The following NFIB variants were observed in gnomAD, a reference collection of about 807,000 sequenced individuals.
The protein encoded by NFIB is nuclear factor I B.
NFIB carries 11 observed loss-of-function variants against 61.5 expected under a neutral mutation model. That is an observed-to-expected ratio of 0.18 (90% CI 0.11 to 0.30). The LOEUF (loss-of-function observed/expected upper bound fraction) is 0.30. Ranked by LOEUF, NFIB falls within the 10% of genes least tolerant of loss-of-function variation. NFIB has a pLI of 1.00. For missense variants in NFIB, 471 were observed against 608.9 expected, an observed-to-expected ratio of 0.77 and a Z score of 2.38; for synonymous variants, 260 against 216.5, an observed-to-expected ratio of 1.20 and a Z score of -1.76.
intron 8 of NFIB, among the ~76,000 whole-genome samples, chr9:14,119,286 T>A (rs1323722131): frequency 6.6e-6 from 1 of 152,196 alleles, no homozygotes; most frequent in Non-Finnish European, 1.5e-5. Flanking sequence ...TGAAAAGTGC[T>A]ACAACATTTT....
intron 1 of NFIB, among the ~76,000 whole-genome samples, chr9:14,380,492 T>C (rs187722124): frequency 2.6e-5 from 4 of 152,334 alleles, no homozygotes; most frequent in African/African-American, 9.6e-5. Context: ...ATTCCGAATT[T>C]ATCCATATAG....
At chr9:14,436,868 T>C in the NFIB span, among the ~76,000 whole-genome samples, 1 of 152,216 alleles carries the variant, frequency 6.6e-6, no homozygotes, top group African/African-American at 2.4e-5. Flanking sequence ...TTTCACACAA[T>C]TTATAGTCTA....
the NFIB span, among the ~76,000 whole-genome samples, chr9:14,429,080 A>G: frequency 6.6e-6 from 1 of 152,182 alleles, no homozygotes; most frequent in Non-Finnish European, 1.5e-5. Context: ...ATGACCTGCA[A>G]TCAAATGACA....
chr9:14,118,601 C>T (rs999901567), intron 8 of NFIB, among the ~76,000 whole-genome samples: 2 of 152,010 alleles, frequency 1.3e-5, no homozygotes, highest in African/African-American at 4.8e-5. Context: ...CTAAAAATTT[C>T]TATCTTTTAA....
At chr9:14,273,805 C>T (rs190289032) in intron 2 of NFIB, among the ~76,000 whole-genome samples, 1 of 152,234 alleles carries the variant, frequency 6.6e-6, no homozygotes, top group Non-Finnish European at 1.5e-5. Context: ...CTTGAAAACA[C>T]AAATGTTCAC....
rs79905809 is a variant in NFIB at position 14,395,368 on chromosome 9, T to G, written c.108+3156A>C. On this transcript the variant is annotated intron_variant, in intron 1 of 8. Coordinates refer to the NFIB transcript ENST00000380934. ...GATGCAACATCTTAAGGAAGAAAGT[T>G]TGGATCCTGTTTGAAAAAAATAGTA... Among the ~76,000 whole-genome samples, 9 of 151,264 alleles carry G rather than the reference T, an allele frequency of 5.9e-5. No individual in the cohort carries two copies. In the East Asian group the frequency reaches 1.7e-3, roughly 29 times the overall value.
chr9:14,423,364 T>A, the NFIB span, among the ~76,000 whole-genome samples: 2 of 152,240 alleles, frequency 1.3e-5, no homozygotes, highest in Non-Finnish European at 2.9e-5. Flanking sequence ...AAGCTATACA[T>A]GTAAATCAAG....
intron 4 of NFIB, among the ~76,000 whole-genome samples, chr9:14,155,065 C>T (rs1032205004): frequency 1.3e-5 from 2 of 151,938 alleles, no homozygotes; most frequent in Non-Finnish European, 2.9e-5. Context: ...GAAAATATAC[C>T]CTTCAAAGTT....
chr9:14,175,149 T>C (rs981554450), intron 3 of NFIB, among the ~76,000 whole-genome samples: 4 of 150,148 alleles, frequency 2.7e-5, no homozygotes, highest in African/African-American at 9.8e-5. Flanking sequence ...CTCAAAATTT[T>C]TATGACTTAA....
chr9:14,098,219 T>G (rs2035179563), intron 10 of NFIB, among the ~76,000 whole-genome samples: 1 of 152,194 alleles, frequency 6.6e-6, no homozygotes, highest in African/African-American at 2.4e-5. Flanking sequence ...AAACATATCC[T>G]TTGGTAACAC....
intron 2 of NFIB, among the ~76,000 whole-genome samples, chr9:14,235,325 T>G (rs1353109244): frequency 6.6e-6 from 1 of 152,188 alleles, no homozygotes; most frequent in Non-Finnish European, 1.5e-5. Flanking sequence ...GAACTCCCAG[T>G]ATTGCCAGCC....
At chr9:14,206,507 T>C (rs2049738909) in intron 2 of NFIB, among the ~76,000 whole-genome samples, 1 of 151,894 alleles carries the variant, frequency 6.6e-6, no homozygotes, top group African/African-American at 2.4e-5. Context: ...TTTCTTTCCT[T>C]TCATGAGATT....
chr9:14,454,141 T>C, the NFIB span, among the ~76,000 whole-genome samples: 2 of 152,332 alleles, frequency 1.3e-5, no homozygotes, highest in South Asian at 4.1e-4. Flanking sequence ...GACTCACATG[T>C]TGCCATTTGT....
At chr9:14,110,127 T>C (rs897417200) in intron 10 of NFIB, among the ~76,000 whole-genome samples, 5 of 152,116 alleles carry the variant, frequency 3.3e-5, no homozygotes, top group African/African-American at 4.8e-5. Context: ...AGTAAGCTTA[T>C]GTATTAGAAA....
chr9:14,277,052 C>G (rs1004100427), intron 2 of NFIB, among the ~76,000 whole-genome samples: 11 of 152,028 alleles, frequency 7.2e-5, no homozygotes, highest in African/African-American at 2.7e-4. Context: ...AAACACATTT[C>G]AAAAACAAAT....
At chr9:14,483,615 C>A in the NFIB span, among the ~76,000 whole-genome samples, 3 of 152,126 alleles carry the variant, frequency 2.0e-5, no homozygotes, top group African/African-American at 7.2e-5. Flanking sequence ...GACGAGAGTA[C>A]CTGCCTGCCA....
the NFIB span, among the ~76,000 whole-genome samples, chr9:14,427,934 G>GTTTTTTTTTTTTTTTTTTTTTTTTTT: frequency 1.1e-3 from 28 of 25,934 alleles, 3 homozygotes; most frequent in Non-Finnish European, 1.9e-3. Flanking sequence ...CTTTAATTCA[G>GTTTTTTTTTTTTTTTTTTTTTTTTTT]TTGTTTTTTT....
intron 1 of NFIB, among the ~76,000 whole-genome samples, chr9:14,390,196 T>C (rs1426510510): frequency 1.3e-5 from 2 of 152,194 alleles, no homozygotes; most frequent in Admixed American, 1.3e-4. Context: ...CATGCCACAG[T>C]TATAACAACA....
At chr9:14,257,581 C>G (rs978803453) in intron 2 of NFIB, among the ~76,000 whole-genome samples, 1 of 151,982 alleles carries the variant, frequency 6.6e-6, no homozygotes, top group Non-Finnish European at 1.5e-5. Flanking sequence ...GTGGCGAAAC[C>G]CTGTCTCTTC....
Sources: allele counts gnomAD v4.1 joint callset (sites outside exome capture counted in the v4.1 genomes callset), GRCh38; gene constraint gnomAD v4.1.1; transcripts MANE v1.5; gene names NCBI Gene and HGNC (gene_info 2026-07-23, HGNC 2026-07-21).